Variants in FLACC1 observed in about 807,000 individuals in gnomAD.
FLACC1 encodes flagellum associated containing coiled-coil domains 1, also known as flagellum-associated coiled-coil domain-containing protein 1.
Under a neutral mutation model 62.8 loss-of-function variants are expected in FLACC1, and 66 were observed. That is an observed-to-expected ratio of 1.05 (90% CI 0.86 to 1.29). The LOEUF (loss-of-function observed/expected upper bound fraction) is 1.29. FLACC1 is among the 50% of genes most tolerant of loss of function. FLACC1 has a pLI of 0.00. For synonymous variants in FLACC1, 156 were observed against 161.0 expected (o/e 0.97, Z 0.24); for missense variants, 452 against 489.1 (o/e 0.92, Z 0.71).
chr2:201,350,539 C>A (rs1353449695), intron 3 of FLACC1, among the ~76,000 whole-genome samples, 172 bp downstream of exon 3: 2 of 151,854 alleles, frequency 1.3e-5, no homozygotes, highest in Non-Finnish European at 2.9e-5. Flanking sequence ...AGTAGCCAGG[C>A]ATGGTGGCGC....
At chr2:201,349,176 A>G (rs1950976542) in intron 3 of FLACC1, among the ~76,000 whole-genome samples, 2 of 152,104 alleles carry the variant, frequency 1.3e-5, no homozygotes, top group Non-Finnish European at 2.9e-5. Flanking sequence ...ACCTTCTTTG[A>G]GCTCATCTCC....
Position 201,342,414 on chromosome 2 carries a change from A to G in FLACC1, c.480T>C (p.Asp160=), listed in dbSNP as rs1160082534. The stretch of plus-strand genomic sequence containing the variant: ...TCTGTTTCATCTCAGCACAGCGGAG[A>G]TCCATTTCACTGGAGAGCTGGAAAC... ...SAQKLLSSEM[D]LRCAEMKQNF... is the part of the protein sequence containing the mutation. Residue 160 remains aspartate (D), a synonymous_variant, in exon 7 of 15, where the codon GAT becomes GAC. Coordinates refer to ENST00000392257, the MANE Select transcript of FLACC1 (RefSeq NM_001127391.3). The G allele has an allele frequency of 3.7e-6, 6 of 1,614,190 alleles. No homozygotes were observed. Among genetic ancestry groups the G allele is most frequent in the Non-Finnish European group, 4.2e-6 (5 of 1,180,044 alleles).
At chr2:201,327,215 A>G (rs2125588849) in intron 9 of FLACC1, among the ~76,000 whole-genome samples, 1 of 152,298 alleles carries the variant, frequency 6.6e-6, no homozygotes, top group East Asian at 1.9e-4. Flanking sequence ...GAAACTATAA[A>G]AATTCTAGAA....
chr2:201,289,275 A>G (rs1949670096), intron 14 of FLACC1, among the ~76,000 whole-genome samples, 182 bp downstream of exon 14: 1 of 152,164 alleles, frequency 6.6e-6, no homozygotes, highest in South Asian at 2.1e-4. Context: ...TCTCCACTCC[A>G]CCTCAAGTGA....
intron 7 of FLACC1, 133 bp downstream of exon 7, chr2:201,342,237 G>A (rs541879550): frequency 1.6e-5 from 13 of 832,824 alleles, no homozygotes; most frequent in Admixed American, 4.4e-5. Flanking sequence ...CACGTGTCTT[G>A]TTCATCTCCC....
intron 12 of FLACC1, among the ~76,000 whole-genome samples, chr2:201,298,519 G>A (rs1949912304): frequency 6.6e-6 from 1 of 152,162 alleles, no homozygotes; most frequent in Non-Finnish European, 1.5e-5. Context: ...TCGTAGACAA[G>A]CTCATGAAAA....
intron 9 of FLACC1, among the ~76,000 whole-genome samples, chr2:201,309,513 G>C (rs1287291114): frequency 6.6e-6 from 1 of 152,132 alleles, no homozygotes; most frequent in Non-Finnish European, 1.5e-5. Context: ...CACAGTGTTT[G>C]CCCCACTAGA....
In FLACC1 at chr2:201,288,772, T is replaced by TATC; in HGVS notation, c.1149_1151dup (p.Lys383_Ile384insMet). The TATC allele has an allele frequency of 1.9e-6, 3 of 1,613,536 alleles. No individual in the cohort carries two copies. Among genetic ancestry groups the TATC allele is most frequent in the South Asian group, 1.1e-5 (1 of 91,080 alleles). ...CACAAATTTCTTCATTCTTAGAAATTATCTTTTGCCTGTAAAAAGAAAGGA... is the reference window on the plus strand; with the variant it reads ...CACAAATTTCTTCATTCTTAGAAATTATCATCTTTTGCCTGTAAAAAGAAAGGA... On this transcript the variant is annotated inframe_insertion, in exon 15 of 15. Transcript: ENST00000392257.
At chr2:201,362,156 C>T (rs888546954), upstream of FLACC1, among the ~76,000 whole-genome samples, 2 of 152,086 alleles carry the variant, frequency 1.3e-5, no homozygotes, top group Non-Finnish European at 2.9e-5. Context: ...AAATCTTAAA[C>T]CTCATCAGAA....
upstream of FLACC1, among the ~76,000 whole-genome samples, chr2:201,358,717 G>A (rs936545568): frequency 1.2e-4 from 18 of 152,012 alleles, no homozygotes; most frequent in Admixed American, 4.6e-4. Flanking sequence ...GCGCCCGGCC[G>A]CCCAGCTAAT....
intron 1 of FLACC1, among the ~76,000 whole-genome samples, chr2:201,355,295 T>C (rs1451347839): frequency 6.6e-6 from 1 of 151,718 alleles, no homozygotes; most frequent in African/African-American, 2.4e-5. Context: ...AATAAATAAA[T>C]GAATAAAACA....
At chr2:201,316,105 G>C (rs1950303132) in intron 9 of FLACC1, among the ~76,000 whole-genome samples, 1 of 152,056 alleles carries the variant, frequency 6.6e-6, no homozygotes, top group Non-Finnish European at 1.5e-5. Flanking sequence ...AAAAAAGTCT[G>C]AAAGAGCAAA....
At position 201,289,440 on chromosome 2, in the gene FLACC1, T is replaced by C; in HGVS notation, c.1142+17A>G. 6.2e-7 allele frequency: 1 copy of C among 1,611,220 alleles called. No homozygotes were observed. The highest frequency in any genetic ancestry group is 1.1e-5 in the South Asian group (1 of 90,974). ...CTAAAGAGAACTCAGCTATGTCTTT[T>C]TCAGCAGCAGCCGCACTTCAGATGA... is the stretch of plus-strand genomic sequence containing the variant. On this transcript the variant is annotated intron_variant, in intron 14 of 14. Coordinates refer to ENST00000392257, the MANE Select transcript of FLACC1 (RefSeq NM_001127391.3).
chr2:201,342,481 T>C (rs1336909876), intron 6 of FLACC1, 50 bp from the exon 7 acceptor site: 1 of 1,583,550 alleles, frequency 6.3e-7, no homozygotes, highest in African/African-American at 1.3e-5. Flanking sequence ...CCCTGTCCCA[T>C]TCTGATCTGC....
At chr2:201,350,371 C>T (rs1951000797) in intron 3 of FLACC1, among the ~76,000 whole-genome samples, 1 of 151,870 alleles carries the variant, frequency 6.6e-6, no homozygotes, top group African/African-American at 2.4e-5. Context: ...GGTGACAGAG[C>T]AAGACTCCAT....
At chr2:201,325,920 A>G (rs1356713355) in intron 9 of FLACC1, among the ~76,000 whole-genome samples, 1 of 152,198 alleles carries the variant, frequency 6.6e-6, no homozygotes, top group Non-Finnish European at 1.5e-5. Context: ...AGATGCAAAA[A>G]TCCTCAACAA....
intron 9 of FLACC1, 42 bp downstream of exon 9, chr2:201,330,428 C>T (rs777778987): frequency 4.5e-6 from 7 of 1,568,900 alleles, no homozygotes; most frequent in Non-Finnish European, 6.1e-6. Flanking sequence ...CAGGAATGAG[C>T]CTTCCTTCTC....
At chr2:201,297,217 G>A (rs928970736) in intron 12 of FLACC1, among the ~76,000 whole-genome samples, 2 of 152,148 alleles carry the variant, frequency 1.3e-5, no homozygotes, top group Non-Finnish European at 2.9e-5. Context: ...AATGTCAAAT[G>A]GGCAGTTGGA....
intron 9 of FLACC1, among the ~76,000 whole-genome samples, chr2:201,315,803 C>A (rs1447226062): frequency 6.6e-6 from 1 of 151,944 alleles, no homozygotes; most frequent in African/African-American, 2.4e-5. Context: ...ATATGATAGG[C>A]CACAAAACAA....
Sources: allele counts gnomAD v4.1 joint callset (sites outside exome capture counted in the v4.1 genomes callset), GRCh38; gene constraint gnomAD v4.1.1; transcripts MANE v1.5; gene names NCBI Gene and HGNC (gene_info 2026-07-23, HGNC 2026-07-21).